Variants in LIN7A observed in about 807,000 individuals in gnomAD.
The protein encoded by LIN7A is lin-7 cell polarity scaffold A.
Under a neutral mutation model 29.8 loss-of-function variants are expected in LIN7A, and 25 were observed. The observed-to-expected ratio is 0.84, with a 90% CI of 0.61 to 1.17. LIN7A has a LOEUF of 1.17. LIN7A is among the 50% of genes most tolerant of loss of function. LIN7A has a pLI of 0.00. For synonymous variants in LIN7A, 118 were observed against 107.5 expected, an observed-to-expected ratio of 1.10 and a Z score of -0.60; for missense variants, 239 against 287.0, an observed-to-expected ratio of 0.83 and a Z score of 1.21.
intron 2 of LIN7A, among the ~76,000 whole-genome samples, chr12:80,881,152 C>A (rs1462701104): frequency 1.3e-5 from 1 of 74,686 alleles, no homozygotes; most frequent in Non-Finnish European, 5.6e-5. Flanking sequence ...TGAACTTCTT[C>A]TCCAGGGGAA....
intron 5 of LIN7A, among the ~76,000 whole-genome samples, chr12:80,807,081 T>TTTTTTTTTTTTTTTG (rs1871063991): frequency 7.4e-6 from 1 of 135,582 alleles, no homozygotes; most frequent in South Asian, 2.3e-4. Context: ...TTTTTTTTTT[T>TTTTTTTTTTTTTTTG]TTTTTTTTTT....
intron 1 of LIN7A, among the ~76,000 whole-genome samples, chr12:80,901,372 C>T (rs1592936782): frequency 6.6e-6 from 1 of 152,118 alleles, no homozygotes; most frequent in African/African-American, 2.4e-5. Context: ...TCCCTAATTT[C>T]TTATCGGTCT....
intron 3 of LIN7A, among the ~76,000 whole-genome samples, chr12:80,847,409 G>A (rs1473078379): frequency 6.6e-6 from 1 of 151,000 alleles, no homozygotes; most frequent in Non-Finnish European, 1.5e-5. Flanking sequence ...AATCTACAGT[G>A]TTCAGTTACA....
intron 5 of LIN7A, among the ~76,000 whole-genome samples, chr12:80,799,982 C>T (rs375404149): frequency 6.6e-6 from 1 of 150,962 alleles, no homozygotes; most frequent in African/African-American, 2.4e-5. Flanking sequence ...CCCTTCATCT[C>T]GAAAAAAATA....
At chr12:80,820,908 G>A (rs1217348449) in intron 4 of LIN7A, among the ~76,000 whole-genome samples, 2 of 152,220 alleles carry the variant, frequency 1.3e-5, no homozygotes, top group East Asian at 3.9e-4. Context: ...CACCCCCAAT[G>A]AGCAAAGGCT....
Position 80,871,567 on chromosome 12 carries a change from G to A in LIN7A, c.201+17684C>T, listed in dbSNP as rs543583159. ...ATCAATCCCAAACGTACTGAAATATGCTTCAATAAGCATGTTTTTCTAACC... is the reference window on the plus strand; with the variant it reads ...ATCAATCCCAAACGTACTGAAATATACTTCAATAAGCATGTTTTTCTAACC... On this transcript the variant is annotated intron_variant, in intron 2 of 5. Transcript: ENST00000552864. 1.3e-5 allele frequency among the ~76,000 whole-genome samples: 2 copies of A among 151,846 alleles called. 1 individual carries two copies. Among genetic ancestry groups the A allele is most frequent in the South Asian group, 4.2e-4 (2 of 4,810 alleles).
intron 1 of LIN7A, among the ~76,000 whole-genome samples, chr12:80,932,313 G>T (rs1261151933): frequency 6.6e-6 from 1 of 152,128 alleles, no homozygotes; most frequent in East Asian, 1.9e-4. Flanking sequence ...AAAGTTCTTG[G>T]TTTTATAGCA....
chr12:80,813,974 T>G (rs1424335565), intron 4 of LIN7A, among the ~76,000 whole-genome samples: 1 of 152,052 alleles, frequency 6.6e-6, no homozygotes, highest in Non-Finnish European at 1.5e-5. Context: ...AAGGCCACCC[T>G]CAATTGTTTG....
At chr12:80,926,038 G>A (rs954563688) in intron 1 of LIN7A, among the ~76,000 whole-genome samples, 3 of 152,066 alleles carry the variant, frequency 2.0e-5, no homozygotes, top group Non-Finnish European at 2.9e-5. Context: ...CTTCCAGATC[G>A]TTGCATGGTT....
intron 1 of LIN7A, among the ~76,000 whole-genome samples, chr12:80,898,318 T>C (rs1466480743): frequency 2.0e-5 from 3 of 152,154 alleles, no homozygotes; most frequent in Non-Finnish European, 4.4e-5. Context: ...TATTCTGTTC[T>C]ATTGGTCTCT....
chr12:80,901,768 A>T (rs1016965664), intron 1 of LIN7A, among the ~76,000 whole-genome samples: 1 of 152,164 alleles, frequency 6.6e-6, no homozygotes, highest in Admixed American at 6.5e-5. Flanking sequence ...ACACTTTGAT[A>T]TATAATTCTG....
chr12:80,899,765 C>CTTTTTTTTTTTT lies in LIN7A; in HGVS notation c.83-10397_83-10396insAAAAAAAAAAAA, dbSNP rs760389788. Reference sequence around the variant, plus strand: ...CATTTCCTCTAGGTTTTCTTTTTTTCTTTTCTTTTTTTTTTTTTTTTGAGA... The same window carrying CTTTTTTTTTTTT: ...CATTTCCTCTAGGTTTTCTTTTTTTCTTTTTTTTTTTTTTTTCTTTTTTTTTTTTTTTTGAGA... On this transcript the variant is annotated intron_variant, in intron 1 of 5. Coordinates refer to ENST00000552864, the MANE Select transcript of LIN7A (RefSeq NM_004664.4). Among the ~76,000 whole-genome samples the CTTTTTTTTTTTT allele has an allele frequency of 2.8e-3, 303 of 110,006 alleles. 29 individuals carry two copies. The highest frequency in any genetic ancestry group is 4.1e-3 in the Non-Finnish European group (209 of 51,250). The allele number at this position is 110,006 out of a possible 152,430, so 72.2% of individuals were successfully genotyped here. A position where few individuals can be genotyped will look rare whatever the true frequency, so the allele number is the denominator to read the frequency against.
Position 80,911,950 on chromosome 12 carries a change from A to G in LIN7A, c.83-22581T>C, listed in dbSNP as rs1408439135. Among the ~76,000 whole-genome samples, 8 of 152,204 alleles carry G rather than the reference A, an allele frequency of 5.3e-5. No homozygotes were observed. The South Asian group carries it at 1.7e-3, about 31-fold the overall frequency. On this transcript the variant is annotated intron_variant, in intron 1 of 5. Transcript: ENST00000552864. ...ATCTTTAATAATACATACGTTGAAT[A>G]CGTTAACTCAGGTGCAAGTACTTCA... is the stretch of plus-strand genomic sequence containing the variant.
intron 4 of LIN7A, among the ~76,000 whole-genome samples, chr12:80,829,373 C>T (rs761061074): frequency 6.6e-6 from 1 of 152,112 alleles, no homozygotes; most frequent in African/African-American, 2.4e-5. Context: ...CTCCCGACAT[C>T]GTTAATTTGC....
chr12:80,851,687 G>T (rs536339814), intron 2 of LIN7A, among the ~76,000 whole-genome samples: 2 of 152,110 alleles, frequency 1.3e-5, no homozygotes, highest in Non-Finnish European at 1.5e-5. Flanking sequence ...GCTTTAATGA[G>T]GGGCTTATAC....
At chr12:80,800,066 C>T (rs1041408972) in intron 5 of LIN7A, among the ~76,000 whole-genome samples, 1 of 152,118 alleles carries the variant, frequency 6.6e-6, no homozygotes, top group African/African-American at 2.4e-5. Flanking sequence ...CAAATTATTA[C>T]TTCTATTAGA....
intron 5 of LIN7A, among the ~76,000 whole-genome samples, chr12:80,807,720 T>C (rs928411032): frequency 6.6e-6 from 1 of 152,152 alleles, no homozygotes; most frequent in African/African-American, 2.4e-5. Context: ...AAAGTACAAA[T>C]GTAAAGTGGC....
chr12:80,864,570 A>G (rs1874045623), intron 2 of LIN7A, among the ~76,000 whole-genome samples: 1 of 152,194 alleles, frequency 6.6e-6, no homozygotes, highest in Non-Finnish European at 1.5e-5. Context: ...ATTCCCTGGC[A>G]TGCAAAGCAC....
chr12:80,877,879 AAAAC>A (rs1275175924), intron 2 of LIN7A, among the ~76,000 whole-genome samples: 7 of 152,114 alleles, frequency 4.6e-5, no homozygotes, highest in African/African-American at 1.7e-4. Flanking sequence ...AAAAAAAAAA[AAAAC>A]AGTTGTCATC....
Sources: gnomAD v4.1 joint callset for allele counts (sites outside exome capture counted in the v4.1 genomes callset) on GRCh38, gnomAD v4.1.1 for gene constraint, MANE v1.5 for transcripts, NCBI Gene and HGNC (gene_info 2026-07-23, HGNC 2026-07-21) for gene names.